The following FAT2 variants were observed in gnomAD, a reference collection of about 807,000 sequenced individuals.
FAT2 encodes FAT atypical cadherin 2, also known as protocadherin Fat 2.
A neutral mutation model predicts 295.3 loss-of-function variants in FAT2; 150 were observed. That is an observed-to-expected ratio of 0.51 (90% confidence interval 0.44 to 0.58). The LOEUF (loss-of-function observed/expected upper bound fraction) is 0.58. Among genes scored for constraint, FAT2 ranks in the 20% least tolerant of loss-of-function variants. The pLI, the probability that FAT2 is intolerant of heterozygous loss-of-function variation, is 0.00. For missense variants in FAT2, 4,868 were observed against 5,442.7 expected (o/e 0.89, Z 3.32); for synonymous variants, 2,026 against 2,150.3 (o/e 0.94, Z 1.60).
At position 151,505,336 on chromosome 5, in the gene FAT2, C is replaced by T. The variant is rs1760754201; in HGVS notation, c.*229G>A. The T allele has an allele frequency of 3.4e-6, 2 of 586,550 alleles. No homozygotes were observed. Among genetic ancestry groups the T allele is most frequent in the Non-Finnish European group, 5.9e-6 (2 of 336,638 alleles). The allele number at this position is 586,550 out of a possible 1,614,324, so 36.3% of individuals were successfully genotyped here. ...TTCCAGGGTCACTGCTCTAGAAATG[C>T]CCCTCTCCTGGGACCCTAGTGCTGT... On this transcript the variant is annotated 3_prime_UTR_variant, in exon 24 of 24. Coordinates refer to ENST00000261800, the MANE Select transcript of FAT2 (RefSeq NM_001447.3).
At position 151,543,469 on chromosome 5, in the gene FAT2, A is replaced by G. The variant is rs140194858; in HGVS notation, c.7658T>C (p.Ile2553Thr). ...LDRENSTERVIAIKVMARDGG... is the reference protein window; with the variant it reads ...LDRENSTERVTAIKVMARDGG... Reference sequence around the variant, plus strand: ...ATCCCGAGCCATGACCTTAATAGCAATGACTCTCTCTGTTGAATTTTCCCG... The same window carrying G: ...ATCCCGAGCCATGACCTTAATAGCAGTGACTCTCTCTGTTGAATTTTCCCG... Residue 2553 changes from isoleucine to threonine, a missense_variant, in exon 10 of 24, where the codon ATT becomes ACT. Physicochemically the swap from Ile to Thr is moderately conservative, Grantham distance 89 (BLOSUM62 -1). Transcript: ENST00000261800. The G allele has an allele frequency of 1.9e-6, 3 of 1,614,142 alleles. No homozygotes were observed. The highest frequency in any genetic ancestry group is 2.2e-5 in the East Asian group (1 of 44,882).
In FAT2 at chr5:151,544,884, A is replaced by G. The variant is rs765858290; in HGVS notation, c.6243T>C (p.Asp2081=). The stretch of plus-strand genomic sequence containing the variant: ...AGAGGACATCCCCTGGCTCTGTGCC[A>G]TCTTGGATGATTGTGTAATAGGGCA... ...KHLPYYTIIQ[D]GTEPGDVLFQ... is the part of the protein sequence containing the mutation. The change falls in exon 10 of 24, where the codon GAT becomes GAC. Residue 2081 remains aspartate (D), a synonymous_variant. Transcript: ENST00000261800. The G allele has an allele frequency of 1.4e-5, 23 of 1,613,658 alleles. No homozygotes were observed. The highest frequency in any genetic ancestry group is 3.3e-5 in the Admixed American group (2 of 60,006).
chr5:151,542,020 A>G (rs1011891999), intron 10 of FAT2, among the ~76,000 whole-genome samples: 3 of 152,228 alleles, frequency 2.0e-5, no homozygotes, highest in African/African-American at 7.2e-5. Context: ...CATGTAAAAT[A>G]ATGAGACATA....
At chr5:151,554,886 AAGACAG>A (rs1757549599) in intron 4 of FAT2, among the ~76,000 whole-genome samples, 1 of 152,260 alleles carries the variant, frequency 6.6e-6, no homozygotes, top group Admixed American at 6.5e-5. Flanking sequence ...GAACTGGAAG[AAGACAG>A]AGTCAGAGTC....
Position 151,549,442 on chromosome 5 carries a change from C to T in FAT2, c.4642G>A (p.Gly1548Arg), listed in dbSNP as rs747941533. ...GTGAAGCGGGGTGGGTGGAGGTTTCCATCCTCCACATGAATGGTCACCCAC... is the reference window on the plus strand; with the variant it reads ...GTGAAGCGGGGTGGGTGGAGGTTTCTATCCTCCACATGAATGGTCACCCAC... ...FVWVTIHVED[G>R]NLHPPRFTQL... Residue 1548 changes from glycine (G) to arginine (R), a missense_variant, in exon 9 of 24, where the codon GGA (glycine) becomes AGA (arginine). Physicochemically the swap from Gly to Arg is moderately radical, Grantham distance 125. Transcript: ENST00000261800. The T allele has an allele frequency of 1.2e-6, 2 of 1,614,144 alleles. No homozygotes were observed. The highest frequency in any genetic ancestry group is 2.2e-5 in the South Asian group (2 of 91,084).
At chr5:151,559,656 T>C (rs1466853359) in intron 3 of FAT2, among the ~76,000 whole-genome samples, 1 of 151,976 alleles carries the variant, frequency 6.6e-6, no homozygotes, top group Non-Finnish European at 1.5e-5. Context: ...TCTGTGTGTG[T>C]GTGTCTGTCT....
chr5:151,537,233 G>A (rs1755438374), intron 12 of FAT2, among the ~76,000 whole-genome samples: 2 of 148,162 alleles, frequency 1.3e-5, no homozygotes, highest in African/African-American at 5.2e-5. Context: ...GGAGGAGGAG[G>A]AAGAAGAAGA....
At chr5:151,589,739 A>C (rs1334239081) in intron 1 of FAT2, among the ~76,000 whole-genome samples, 1 of 150,664 alleles carries the variant, frequency 6.6e-6, no homozygotes, top group African/African-American at 2.5e-5. Flanking sequence ...CTACAAAAAA[A>C]CATTTTTTTT....
chr5:151,558,937 C>T (rs751273628), intron 3 of FAT2, among the ~76,000 whole-genome samples: 2 of 152,174 alleles, frequency 1.3e-5, no homozygotes, highest in Admixed American at 6.5e-5. Flanking sequence ...CTGGTGTGGA[C>T]GGTCTCTTGT....
rs11739693 is a variant in FAT2 at position 151,568,330 on chromosome 5, C to G, written c.602G>C (p.Gly201Ala). 4.2e-3 allele frequency: 6,831 copies of G among 1,614,172 alleles called. 36 individuals carry two copies. Among genetic ancestry groups the G allele is most frequent in the Non-Finnish European group, 3.6e-3 (4,303 of 1,180,016 alleles). ...AAGCTTCCCAGCCACAGTGACCACA[C>G]CGCTGGTGGGATGGATGGCAAACAT... ...SEMFAIHPTS[G>A]VVTVAGKLNV... Residue 201 changes from glycine to alanine, a missense_variant, in exon 2 of 24, where the codon GGT becomes GCT. Physicochemically the swap from Gly to Ala is moderately conservative, Grantham distance 60. Transcript: ENST00000261800.
chr5:151,545,796 G>T lies in FAT2; in HGVS notation c.5331C>A (p.Ile1777=). The T allele has an allele frequency of 4.3e-6, 7 of 1,614,200 alleles. No individual in the cohort carries two copies. Among genetic ancestry groups the T allele is most frequent in the Non-Finnish European group, 5.9e-6 (7 of 1,180,040 alleles). The change falls in exon 10 of 24, where the codon ATC becomes ATA. Residue 1777 remains isoleucine, a synonymous_variant. Coordinates refer to ENST00000261800, the MANE Select transcript of FAT2 (RefSeq NM_001447.3). ...ISEAAPLYSM[I]MDKNNNPFVI... is the part of the protein sequence containing the mutation. ...CAAAGGGGTTGTTGTTTTTATCCAT[G>T]ATCATGCTATACAGTGGAGCTGCTT...
chr5:151,529,552 G>A (rs1192248564), intron 14 of FAT2, among the ~76,000 whole-genome samples, 160 bp from the exon 15 acceptor site: 1 of 151,260 alleles, frequency 6.6e-6, no homozygotes, highest in Non-Finnish European at 1.5e-5. Context: ...CTATCCCCTT[G>A]ACCCCCTTCC....
Position 151,537,942 on chromosome 5 carries a change from A to G in FAT2, c.9044T>C (p.Leu3015Pro). 1 of 1,613,804 alleles carries G rather than the reference A, an allele frequency of 6.2e-7. No individual in the cohort carries two copies. The highest frequency in any genetic ancestry group is 2.2e-5 in the East Asian group (1 of 44,886). The stretch of plus-strand genomic sequence containing the variant: ...ATCTTCATGAACCTTGCCAGTATAG[A>G]GAAGCTAGAGATGGAAAGACAAAGA... ...NDNSPQCSQL[L>P]YTGKVHEDVF... The change falls in exon 12 of 24, where the codon CTC (leucine) becomes CCC (proline). Residue 3015 changes from leucine to proline, a missense_variant. Coordinates refer to ENST00000261800, the MANE Select transcript of FAT2 (RefSeq NM_001447.3).
chr5:151,575,983 C>T lies in FAT2; in HGVS notation c.-20-7032G>A, dbSNP rs73273983. 5.4e-3 allele frequency among the ~76,000 whole-genome samples: 829 copies of T among 152,262 alleles called. 9 individuals are homozygous for T. Among genetic ancestry groups the T allele is most frequent in the African/African-American group, 0.019 (772 of 41,522 alleles). On this transcript the variant is annotated intron_variant, in intron 1 of 23. Coordinates refer to ENST00000261800, the MANE Select transcript of FAT2 (RefSeq NM_001447.3). ...CACATGTGACTTGTGTCTACCACAT[C>T]GGACAGCCCAGCTCTAAAGAGCACG...
Position 151,512,145 on chromosome 5 carries a change from C to A in FAT2, c.11905+20G>T, listed in dbSNP as rs1240792803. On this transcript the variant is annotated intron_variant, in intron 21 of 23. Transcript: ENST00000261800. The surrounding 1 kb of genome is among the most constrained non-coding windows in gnomAD (Gnocchi z 4.1). ...CTTCTGGGATAAACCCTGGGTTCAG[C>A]CTGGCACCCCAGCCCTCACCTGCCC... 6.2e-7 allele frequency: 1 copy of A among 1,602,526 alleles called. No individual in the cohort carries two copies. Among genetic ancestry groups the A allele is most frequent in the Non-Finnish European group, 8.5e-7 (1 of 1,171,362 alleles).
chr5:151,545,259 A>G lies in FAT2; in HGVS notation c.5868T>C (p.Ile1956=), dbSNP rs1020840637. Reference sequence around the variant, plus strand: ...TTTTGTCAAGCACTTGGGTCAAAGAAATTTTTACCAGCGCAGTGTCTTGAT... The same window carrying G: ...TTTTGTCAAGCACTTGGGTCAAAGAGATTTTTACCAGCGCAGTGTCTTGAT... ...GLYQDTALVK[I]SLTQVLDKSL... The change falls in exon 10 of 24, where the codon ATT becomes ATC. Residue 1956 remains isoleucine, a synonymous_variant. Transcript: ENST00000261800. The G allele has an allele frequency of 6.2e-7, 1 of 1,614,142 alleles. No individual in the cohort carries two copies.
In FAT2 at chr5:151,567,985, G is replaced by C. The variant is rs1758358754; in HGVS notation, c.947C>G (p.Ser316Cys). ...YARSNEFSLV[S>C]VKDINWMEYL... Reference sequence around the variant, plus strand: ...CTCCATCCAGTTGATGTCTTTGACAGACACCAAACTGAACTCATTGCTCCG... The same window carrying C: ...CTCCATCCAGTTGATGTCTTTGACACACACCAAACTGAACTCATTGCTCCG... Residue 316 changes from serine to cysteine, a missense_variant, in exon 2 of 24, where the codon TCT (serine) becomes TGT (cysteine). Physicochemically the swap from Ser to Cys is moderately radical, Grantham distance 112. Transcript: ENST00000261800. The C allele has an allele frequency of 6.2e-7, 1 of 1,614,106 alleles. No homozygotes were observed. Among genetic ancestry groups the C allele is most frequent in the African/African-American group, 1.3e-5 (1 of 74,946 alleles).
Position 151,507,187 on chromosome 5 carries a change from C to T in FAT2, c.12484G>A (p.Val4162Ile). The T allele has an allele frequency of 6.2e-7, 1 of 1,602,564 alleles. No homozygotes were observed. Among genetic ancestry groups the T allele is most frequent in the Non-Finnish European group, 8.5e-7 (1 of 1,173,462 alleles). The stretch of plus-strand genomic sequence containing the variant: ...TCGCTGGACCAGGTTCTCTTAATGA[C>T]AGGCTCATTGTCAGAGTGGGAAGGG... ...AVPSHSDNEP[V>I]IKRTWSSEEM... The change falls in exon 23 of 24, where the codon GTC (valine) becomes ATC (isoleucine). Residue 4162 changes from valine (V) to isoleucine (I), a missense_variant. Val to Ile is a conservative substitution (Grantham distance 29). Coordinates refer to ENST00000261800, the MANE Select transcript of FAT2 (RefSeq NM_001447.3).
rs1441886449 is a variant in FAT2, at chr5:151,531,809, G to A, written c.9589C>T (p.Pro3197Ser). 6.2e-7 allele frequency: 1 copy of A among 1,613,636 alleles called. No homozygotes were observed. Among genetic ancestry groups the A allele is most frequent in the Admixed American group, 1.7e-5 (1 of 60,032 alleles). The change falls in exon 14 of 24, where the codon CCG (proline) becomes TCG (serine). Residue 3197 changes from proline to serine, a missense_variant. Physicochemically the swap from Pro to Ser is moderately conservative, Grantham distance 74. This residue lies in a region of FAT2 where 1,046 missense variants were observed against 1,210.1 expected (regional missense o/e 0.86). Coordinates refer to ENST00000261800, the MANE Select transcript of FAT2 (RefSeq NM_001447.3). This position sits in a 1 kb window ranked among gnomAD's most constrained non-coding sequence, Gnocchi z 5.7. Reference sequence around the variant, plus strand: ...GTGACGGTGCCCAGCGTGGACAGCGGTATTGGGGTGCCCAGGTCAGAGGCA... The same window carrying A: ...GTGACGGTGCCCAGCGTGGACAGCGATATTGGGGTGCCCAGGTCAGAGGCA... The part of the protein sequence containing the change: ...VRASDLGTPI[P>S]LSTLGTVTVS...
Sources: gnomAD v4.1 joint callset for allele counts (sites outside exome capture counted in the v4.1 genomes callset) on GRCh38, gnomAD v4.1.1 for gene constraint, gnomAD v4.1.1 regional missense constraint, Gnocchi (gnomAD v3.1) non-coding constraint, MANE v1.5 for transcripts, NCBI Gene and HGNC (gene_info 2026-07-23, HGNC 2026-07-21) for gene names.